The following NTN1 variants were observed in gnomAD, a reference collection of about 807,000 sequenced individuals.
The protein encoded by NTN1 is netrin-1.
Under a neutral mutation model 54.2 loss-of-function variants are expected in NTN1, and 11 were observed. The observed-to-expected ratio is 0.20, with a 90% CI of 0.13 to 0.34. The LOEUF (loss-of-function observed/expected upper bound fraction) is 0.34. Among genes scored for constraint, NTN1 ranks in the 10% least tolerant of loss-of-function variants. NTN1 has a pLI of 1.00. For synonymous variants in NTN1, 371 were observed against 382.0 expected, an observed-to-expected ratio of 0.97 and a Z score of 0.33; for missense variants, 740 against 893.1, an observed-to-expected ratio of 0.83 and a Z score of 2.18.
intron 4 of NTN1, among the ~76,000 whole-genome samples, chr17:9,182,253 G>A (rs1322555302): frequency 1.3e-5 from 2 of 152,144 alleles, no homozygotes; most frequent in African/African-American, 4.8e-5. Context: ...AAACGTGTTG[G>A]GATGACAGAT....
At chr17:9,144,524 C>T (rs1326643599) in intron 2 of NTN1, among the ~76,000 whole-genome samples, 2 of 152,202 alleles carry the variant, frequency 1.3e-5, no homozygotes, top group Non-Finnish European at 2.9e-5. Flanking sequence ...CCAAGTTGTA[C>T]TGAAGTTGAG....
intron 2 of NTN1, among the ~76,000 whole-genome samples, chr17:9,115,127 C>T (rs568357317): frequency 6.6e-6 from 1 of 152,202 alleles, no homozygotes; most frequent in African/African-American, 2.4e-5. Flanking sequence ...GTGACAGCTC[C>T]CCTCTCCTTC....
In NTN1 at chr17:9,075,540, C is replaced by T. The variant is rs143880755; in HGVS notation, c.1018+52149C>T. On this transcript the variant is annotated intron_variant, in intron 2 of 6. Transcript: ENST00000173229. Reference sequence around the variant, plus strand: ...ATAAATAAAAAAAACTTAAATAAAACGGGGCTCTATGAGAGTCCCATCTGG... The same window carrying T: ...ATAAATAAAAAAAACTTAAATAAAATGGGGCTCTATGAGAGTCCCATCTGG... 3.2e-3 allele frequency among the ~76,000 whole-genome samples: 494 copies of T among 152,258 alleles called. 2 individuals are homozygous for T. Among genetic ancestry groups the T allele is most frequent in the African/African-American group, 0.011 (467 of 41,562 alleles).
At chr17:9,073,006 C>G (rs2092037348) in intron 2 of NTN1, among the ~76,000 whole-genome samples, 2 of 152,238 alleles carry the variant, frequency 1.3e-5, no homozygotes, top group African/African-American at 4.8e-5. Context: ...ATGATTACCC[C>G]AAAGTCTCCT....
At chr17:9,195,888 TAAC>T (rs1242485956) in intron 5 of NTN1, among the ~76,000 whole-genome samples, 1 of 152,118 alleles carries the variant, frequency 6.6e-6, no homozygotes, top group African/African-American at 2.4e-5. Context: ...AAAGAAATAA[TAAC>T]AACCATCACT....
chr17:9,035,731 T>C (rs986273704), intron 2 of NTN1, among the ~76,000 whole-genome samples: 2 of 152,140 alleles, frequency 1.3e-5, no homozygotes, highest in Non-Finnish European at 2.9e-5. Flanking sequence ...AAAAAAATTA[T>C]TTGTAGAGGG....
intron 2 of NTN1, among the ~76,000 whole-genome samples, chr17:9,023,793 C>T (rs932176224): frequency 2.0e-5 from 3 of 152,214 alleles, no homozygotes; most frequent in Admixed American, 1.3e-4. Context: ...TTGGGGACCC[C>T]GGCCCAGTTC....
chr17:9,148,832 T>G (rs2092320398), intron 2 of NTN1, among the ~76,000 whole-genome samples: 1 of 151,948 alleles, frequency 6.6e-6, no homozygotes, highest in Non-Finnish European at 1.5e-5. Flanking sequence ...GCAGTAGTTT[T>G]GGCTGCAGTC....
intron 6 of NTN1, among the ~76,000 whole-genome samples, chr17:9,230,555 A>G (rs62069969): frequency 0.66 from 99,566 of 151,912 alleles, 32,722 homozygotes; most frequent in African/African-American, 0.74. Context: ...TGGCCAGGGA[A>G]GGCCAGTCGG....
chr17:9,156,555 G>A (rs1281947326), intron 2 of NTN1, among the ~76,000 whole-genome samples: 2 of 152,230 alleles, frequency 1.3e-5, no homozygotes, highest in African/African-American at 4.8e-5. Context: ...GGGATTGAGA[G>A]TAAGTTCGCC....
intron 2 of NTN1, among the ~76,000 whole-genome samples, chr17:9,052,273 A>G (rs770868029): frequency 7.2e-5 from 11 of 152,190 alleles, no homozygotes; most frequent in Admixed American, 1.3e-4. Flanking sequence ...TCCCGGCCCC[A>G]AAGGCACATT....
chr17:9,236,291 G>T (rs1905986337), intron 6 of NTN1, among the ~76,000 whole-genome samples: 1 of 152,222 alleles, frequency 6.6e-6, no homozygotes, highest in Non-Finnish European at 1.5e-5. Context: ...GTTCCATGTA[G>T]CCCAGAGATC....
In NTN1 at chr17:9,133,421, C is replaced by T. The variant is rs527363220; in HGVS notation, c.1019-29392C>T. Among the ~76,000 whole-genome samples, 64 of 152,288 alleles carry T rather than the reference C, an allele frequency of 4.2e-4. 1 individual carries two copies. The highest frequency in any genetic ancestry group is 3.9e-3 in the South Asian group (19 of 4,816). ...GCCATCTCTCCTCCTTGCTCCCAGG[C>T]GACTTGCTGTGTTTGAGCTGGGGCC... On this transcript the variant is annotated intron_variant, in intron 2 of 6. Transcript: ENST00000173229.
intron 4 of NTN1, among the ~76,000 whole-genome samples, chr17:9,181,011 TAGG>T (rs1211781864): frequency 6.6e-6 from 1 of 152,150 alleles, no homozygotes; most frequent in South Asian, 2.1e-4. Flanking sequence ...GTCAGGGAAT[TAGG>T]AGTTCTCAGG....
intron 2 of NTN1, among the ~76,000 whole-genome samples, chr17:9,130,016 G>T (rs2092259507): frequency 6.6e-6 from 1 of 152,192 alleles, no homozygotes; most frequent in Admixed American, 6.5e-5. Flanking sequence ...TTGTTGGCAT[G>T]TTGGTGATAA....
intron 5 of NTN1, among the ~76,000 whole-genome samples, chr17:9,191,347 T>G (rs1567734052): frequency 6.6e-6 from 1 of 151,756 alleles, no homozygotes; most frequent in South Asian, 2.1e-4. Context: ...GTAATCCCAG[T>G]TACTCTGGAG....
At chr17:9,061,810 TCTC>T (rs1296812711) in intron 2 of NTN1, among the ~76,000 whole-genome samples, 8 of 152,238 alleles carry the variant, frequency 5.3e-5, no homozygotes, top group Non-Finnish European at 1.2e-4. Flanking sequence ...TTCAAGCAAT[TCTC>T]CTGCCTCAGC....
intron 5 of NTN1, among the ~76,000 whole-genome samples, chr17:9,190,129 TATG>T (rs1200903143): frequency 9.2e-5 from 14 of 152,238 alleles, no homozygotes; most frequent in Non-Finnish European, 1.6e-4. Flanking sequence ...ATATCAGTTT[TATG>T]ATAATGGAAA....
intron 5 of NTN1, among the ~76,000 whole-genome samples, chr17:9,207,492 C>G (rs1904996260): frequency 6.6e-6 from 1 of 152,160 alleles, no homozygotes; most frequent in Admixed American, 6.5e-5. Context: ...AAACGCTCAC[C>G]CCCGCTTAAT....
Sources: allele counts gnomAD v4.1 joint callset (sites outside exome capture counted in the v4.1 genomes callset), GRCh38; gene constraint gnomAD v4.1.1; transcripts MANE v1.5; gene names NCBI Gene and HGNC (gene_info 2026-07-23, HGNC 2026-07-21).